Variants in PPARGC1A observed in about 807,000 individuals in gnomAD.
The protein encoded by PPARGC1A is peroxisome proliferator-activated receptor gamma coactivator 1-alpha.
Under a neutral mutation model 88.7 loss-of-function variants are expected in PPARGC1A, and 25 were observed. That is an observed-to-expected ratio of 0.28 (90% confidence interval 0.21 to 0.39). The LOEUF (loss-of-function observed/expected upper bound fraction) is 0.39. Ranked by LOEUF, PPARGC1A falls within the 10% of genes least tolerant of loss-of-function variation. The pLI, the probability that PPARGC1A is intolerant of heterozygous loss-of-function variation, is 1.00. For synonymous variants in PPARGC1A, 363 were observed against 355.6 expected (o/e 1.02, Z -0.24); for missense variants, 880 against 968.7 (o/e 0.91, Z 1.22).
At chr4:24,097,704 G>A in the PPARGC1A span, among the ~76,000 whole-genome samples, 2 of 152,160 alleles carry the variant, frequency 1.3e-5, no homozygotes, top group Admixed American at 6.5e-5. Flanking sequence ...TAAATCAGAA[G>A]ACTATGAATT....
chr4:24,259,944 G>A, the PPARGC1A span, among the ~76,000 whole-genome samples: 47,586 of 151,974 alleles, frequency 0.31, 8,488 homozygotes, highest in Non-Finnish European at 0.4. Context: ...GTTATCTTGA[G>A]TACCAGGGTG....
the PPARGC1A span, among the ~76,000 whole-genome samples, chr4:24,049,611 A>G: frequency 1.3e-5 from 2 of 152,020 alleles, no homozygotes; most frequent in Admixed American, 6.5e-5. Context: ...TTTGTGGGAG[A>G]GATAATAATG....
intron 2 of PPARGC1A, among the ~76,000 whole-genome samples, chr4:23,866,811 A>G (rs1712098733): frequency 6.6e-6 from 1 of 151,618 alleles, no homozygotes; most frequent in South Asian, 2.1e-4. Flanking sequence ...TATTTAATTC[A>G]TTTCTGATTC....
chr4:24,410,970 T>C, the PPARGC1A span, among the ~76,000 whole-genome samples: 4 of 152,198 alleles, frequency 2.6e-5, no homozygotes, highest in Non-Finnish European at 5.9e-5. Flanking sequence ...CATCTTGTAA[T>C]TGTGTGAGTC....
intron 2 of PPARGC1A, among the ~76,000 whole-genome samples, chr4:23,864,912 G>A (rs559828194): frequency 1.5e-4 from 23 of 152,256 alleles, no homozygotes; most frequent in Admixed American, 1.2e-3. Context: ...GGCCAGGCAC[G>A]GTTGCTCACG....
the PPARGC1A span, among the ~76,000 whole-genome samples, chr4:24,281,216 T>C: frequency 6.6e-6 from 1 of 152,306 alleles, no homozygotes; most frequent in South Asian, 2.1e-4. Flanking sequence ...CAGCTACCCG[T>C]CTTAGTCTGT....
At chr4:24,205,903 C>T in the PPARGC1A span, among the ~76,000 whole-genome samples, 1 of 152,090 alleles carries the variant, frequency 6.6e-6, no homozygotes, top group Non-Finnish European at 1.5e-5. Flanking sequence ...CATAAGAAAC[C>T]TCTGACAATC....
the PPARGC1A span, among the ~76,000 whole-genome samples, chr4:24,207,860 T>C: frequency 1.3e-5 from 2 of 152,134 alleles, no homozygotes; most frequent in South Asian, 4.1e-4. Flanking sequence ...TTCAGGAAAA[T>C]ACCATGACAA....
chr4:23,969,191 A>T, the PPARGC1A span, among the ~76,000 whole-genome samples: 1 of 152,194 alleles, frequency 6.6e-6, no homozygotes. Context: ...TGGCCATGAC[A>T]CTAAAGATAG....
chr4:23,928,718 G>C, the PPARGC1A span, among the ~76,000 whole-genome samples: 2 of 134,718 alleles, frequency 1.5e-5, no homozygotes, highest in Non-Finnish European at 3.1e-5. Context: ...ATCAATGATA[G>C]ACTGGATAAA....
intron 10 of PPARGC1A, among the ~76,000 whole-genome samples, chr4:23,811,649 T>C (rs1720913033): frequency 6.6e-6 from 1 of 152,040 alleles, no homozygotes. Flanking sequence ...GGAGTTGGGG[T>C]AAAGCCTACC....
chr4:24,255,427 T>A, the PPARGC1A span, among the ~76,000 whole-genome samples: 2 of 152,226 alleles, frequency 1.3e-5, no homozygotes, highest in Admixed American at 6.5e-5. Flanking sequence ...TATCACATTT[T>A]CAAGTTTAAG....
the PPARGC1A span, among the ~76,000 whole-genome samples, chr4:24,076,132 C>T: frequency 6.6e-6 from 1 of 152,220 alleles, no homozygotes; most frequent in Non-Finnish European, 1.5e-5. Flanking sequence ...GCTTCCAGTG[C>T]TGCCGCAATC....
At chr4:24,216,975 C>T in the PPARGC1A span, among the ~76,000 whole-genome samples, 1 of 152,170 alleles carries the variant, frequency 6.6e-6, no homozygotes, top group African/African-American at 2.4e-5. Flanking sequence ...ACATTCAAAG[C>T]ACCTGACACA....
chr4:24,214,692 G>A, the PPARGC1A span, among the ~76,000 whole-genome samples: 1 of 152,076 alleles, frequency 6.6e-6, no homozygotes, highest in South Asian at 2.1e-4. Context: ...GTGTGTCGAA[G>A]GCCATTTCTC....
chr4:23,839,832 G>T (rs944585931), intron 2 of PPARGC1A, among the ~76,000 whole-genome samples: 1 of 151,756 alleles, frequency 6.6e-6, no homozygotes, highest in African/African-American at 2.4e-5. Flanking sequence ...GGAAAGTCCC[G>T]TTTTTAAAAC....
chr4:23,812,598 C>T, intron 10 of PPARGC1A, 149 bp downstream of exon 10: 1 of 1,231,364 alleles, frequency 8.1e-7, no homozygotes, highest in South Asian at 1.5e-5. Flanking sequence ...GGACCGAAGA[C>T]TTATGGATAT....
intron 7 of PPARGC1A, among the ~76,000 whole-genome samples, chr4:23,815,424 T>C (rs1433809847): frequency 6.6e-6 from 1 of 152,176 alleles, no homozygotes; most frequent in Non-Finnish European, 1.5e-5. Context: ...CCGACCATTT[T>C]ATATAGAGCA....
At chr4:23,835,426 G>A (rs1374843794) in intron 2 of PPARGC1A, among the ~76,000 whole-genome samples, 2 of 151,410 alleles carry the variant, frequency 1.3e-5, no homozygotes, top group African/African-American at 4.8e-5. Context: ...GAAACACAAT[G>A]AGAGGGAGGA....
Sources: gnomAD v4.1 joint callset for allele counts (sites outside exome capture counted in the v4.1 genomes callset) on GRCh38, gnomAD v4.1.1 for gene constraint, MANE v1.5 for transcripts, NCBI Gene and HGNC (gene_info 2026-07-23, HGNC 2026-07-21) for gene names.